The following PC variants were observed in gnomAD, a reference collection of about 807,000 sequenced individuals.
The protein encoded by PC is pyruvate carboxylase, mitochondrial.
A neutral mutation model predicts 107.8 loss-of-function variants in PC; 46 were observed. The observed-to-expected ratio is 0.43, with a 90% confidence interval of 0.34 to 0.55. The LOEUF (loss-of-function observed/expected upper bound fraction) is 0.55, where lower values mean the gene tolerates loss of function less well. Ranked by LOEUF, PC falls within the 20% of genes least tolerant of loss-of-function variation. The pLI is 0.04. For synonymous variants in PC, 662 were observed against 684.7 expected (o/e 0.97, Z 0.52); for missense variants, 1,241 against 1,643.1 (o/e 0.76, Z 4.23).
In PC at chr11:66,857,887, G is replaced by T. The variant is rs747133744; in HGVS notation, c.1369-4504C>A. On this transcript the variant is annotated intron_variant, in intron 12 of 22. Transcript: ENST00000393960. The surrounding 1 kb of genome is among the most constrained non-coding windows in gnomAD (Gnocchi z 7.1). ...CTGTTTGTGCCGCCCAACGTGGACC[G>T]GCGCACAGTGGAGCTGCGGCTGGCT... is the stretch of plus-strand genomic sequence containing the variant. The T allele has an allele frequency of 6.2e-7, 1 of 1,611,464 alleles. No individual in the cohort carries two copies. Among genetic ancestry groups the T allele is most frequent in the Non-Finnish European group, 8.5e-7 (1 of 1,179,920 alleles).
At chr11:66,946,110 AAAAAG>A (rs1439410169) in intron 3 of PC, among the ~76,000 whole-genome samples, 1 of 151,788 alleles carries the variant, frequency 6.6e-6, no homozygotes, top group Admixed American at 6.6e-5. Flanking sequence ...AAAAAAAAAA[AAAAAG>A]AAATCTGTGT....
chr11:66,951,719 G>C (rs899964683), intron 3 of PC, among the ~76,000 whole-genome samples: 8 of 151,834 alleles, frequency 5.3e-5, no homozygotes, highest in Non-Finnish European at 1.2e-4. Context: ...GTAAAACCCC[G>C]TCTCTACTAA....
chr11:66,871,758 A>T lies in PC; in HGVS notation c.250T>A (p.Tyr84Asn). ...QMHRQKADEA[Y>N]LIGRGLAPVQ... ...GGGGCCAGGCCGCGGCCGATGAGAT[A>T]GGCTTCATCTGCTTTCTGCCGGTGC... The change falls in exon 5 of 23, where the codon TAT (tyrosine) becomes AAT (asparagine). Residue 84 changes from tyrosine (Y) to asparagine (N), a missense_variant. Tyr to Asn is a moderately radical substitution (Grantham distance 143). Coordinates refer to ENST00000393960, the MANE Select transcript of PC (RefSeq NM_001040716.2). The surrounding 1 kb of genome is among the most constrained non-coding windows in gnomAD (Gnocchi z 7.4). 6.3e-7 allele frequency: 1 copy of T among 1,597,850 alleles called. No homozygotes were observed.
Position 66,871,138 on chromosome 11 carries a change from A to G in PC, c.547T>C (p.Phe183Leu). Reference sequence around the variant, plus strand: ...ATGGGGAAGCCGTAGGTGTTGGAGAACTCGTGGGCCTCATGCAGGGACGTG... The same window carrying G: ...ATGGGGAAGCCGTAGGTGTTGGAGAGCTCGTGGGCCTCATGCAGGGACGTG... ...PITSLHEAHE[F>L]SNTYGFPIIF... The change falls in exon 7 of 23, where the codon TTC becomes CTC. Residue 183 changes from phenylalanine (F) to leucine (L), a missense_variant. Around this residue, in one of 2 missense-constraint regions of PC, gnomAD observed 1,143 missense variants for 1,551.9 expected, o/e 0.74. Coordinates refer to ENST00000393960, the MANE Select transcript of PC (RefSeq NM_001040716.2). This position sits in a 1 kb window ranked among gnomAD's most constrained non-coding sequence, Gnocchi z 7.4. 6.2e-7 allele frequency: 1 copy of G among 1,613,772 alleles called. No individual in the cohort carries two copies. The highest frequency in any genetic ancestry group is 8.5e-7 in the Non-Finnish European group (1 of 1,179,864).
At chr11:66,941,098 A>G (rs1398243191) in intron 3 of PC, among the ~76,000 whole-genome samples, 2 of 151,022 alleles carry the variant, frequency 1.3e-5, no homozygotes, top group African/African-American at 4.9e-5. Context: ...AAAAAAAAAA[A>G]AAGGTGCTCA....
intron 3 of PC, among the ~76,000 whole-genome samples, chr11:66,893,112 C>T (rs961618706): frequency 2.6e-5 from 4 of 152,220 alleles, no homozygotes; most frequent in Non-Finnish European, 5.9e-5. Context: ...TGCTGTCCAG[C>T]TGCACCGTGT....
intron 3 of PC, among the ~76,000 whole-genome samples, chr11:66,891,552 C>T (rs1052694549): frequency 2.3e-4 from 35 of 151,838 alleles, no homozygotes; most frequent in Middle Eastern, 6.8e-3. Flanking sequence ...CACCACCATG[C>T]CCGACTAATT....
chr11:66,945,921 C>T, intron 3 of PC, among the ~76,000 whole-genome samples: 1 of 149,216 alleles, frequency 6.7e-6, no homozygotes, highest in Non-Finnish European at 1.5e-5. Flanking sequence ...CCCGTCTCTA[C>T]TAAAAATACA....
At chr11:66,856,595 C>G (rs1325816870) in intron 12 of PC, 1 of 152,612 alleles carries the variant, frequency 6.6e-6, no homozygotes, top group Non-Finnish European at 1.5e-5. Context: ...TCTGTGAACG[C>G]AAGGGTCCCA....
intron 3 of PC, among the ~76,000 whole-genome samples, chr11:66,943,495 T>G (rs546143218): frequency 6.6e-6 from 1 of 151,608 alleles, no homozygotes; most frequent in Non-Finnish European, 1.5e-5. Flanking sequence ...TCCCAACACT[T>G]TGGGAGGCCG....
At position 66,857,636 on chromosome 11, in the gene PC, G is replaced by C; in HGVS notation, c.1369-4253C>G. 4 of 1,281,496 alleles carry C rather than the reference G, an allele frequency of 3.1e-6. No individual in the cohort carries two copies. In the South Asian group the frequency reaches 6.1e-5, roughly 20 times the overall value. The allele number at this position is 1,281,496 out of a possible 1,614,324, so 79.4% of individuals were successfully genotyped here. ...TGGGCCTCTGACCCAGCCCCTCCCC[G>C]GGCCAGGCTCACAGAAGCTGGCTTC... On this transcript the variant is annotated intron_variant, in intron 12 of 22. Transcript: ENST00000393960. The surrounding 1 kb of genome is among the most constrained non-coding windows in gnomAD (Gnocchi z 7.1).
chr11:66,924,184 A>C (rs1035267749), intron 3 of PC, among the ~76,000 whole-genome samples: 2 of 149,570 alleles, frequency 1.3e-5, no homozygotes, highest in African/African-American at 2.5e-5. Flanking sequence ...CCTGGGCGAC[A>C]GAGCAAGACT....
At chr11:66,955,595 T>C (rs1203132053) in intron 1 of PC, among the ~76,000 whole-genome samples, 1 of 152,026 alleles carries the variant, frequency 6.6e-6, no homozygotes, top group African/African-American at 2.4e-5. Flanking sequence ...AAAAAGCAGA[T>C]ACTGAGCAAC....
chr11:66,870,880 T>A lies in PC; in HGVS notation c.646A>T (p.Asn216Tyr), dbSNP rs1946701336. 2 of 1,612,984 alleles carry A rather than the reference T, an allele frequency of 1.2e-6. No individual in the cohort carries two copies. Among genetic ancestry groups the A allele is most frequent in the Middle Eastern group, 1.6e-4 (1 of 6,062 alleles). The change falls in exon 8 of 23, where the codon AAT (asparagine) becomes TAT (tyrosine). Residue 216 changes from asparagine to tyrosine, a missense_variant. Transcript: ENST00000393960. The surrounding 1 kb of genome is among the most constrained non-coding windows in gnomAD (Gnocchi z 6.1). Reference protein sequence around the residue: ...VVHSYEELEENYTRAYSEALA... With the variant: ...VVHSYEELEEYYTRAYSEALA... Reference sequence around the variant, plus strand: ...GCCTCTGAGTAGGCCCGGGTGTAATTCTCCTCCAGCTCCTGCGAGGGCGGG... The same window carrying A: ...GCCTCTGAGTAGGCCCGGGTGTAATACTCCTCCAGCTCCTGCGAGGGCGGG...
chr11:66,849,000 CCATCTT>C lies in PC; in HGVS notation c.3430_3435del (p.Lys1144_Met1145del). 6.2e-7 allele frequency: 1 copy of C among 1,614,096 alleles called. No homozygotes were observed. Among genetic ancestry groups the C allele is most frequent in the Non-Finnish European group, 8.5e-7 (1 of 1,180,040 alleles). On this transcript the variant is annotated inframe_deletion, in exon 23 of 23. Coordinates refer to ENST00000393960, the MANE Select transcript of PC (RefSeq NM_001040716.2). ...TCCATGGGTGAGGTCACCACAGTCT[CCATCTT>C]CATGGCACTGAGCACACACAGGGGC...
At chr11:66,898,880 C>A (rs1947854432) in intron 3 of PC, among the ~76,000 whole-genome samples, 1 of 151,962 alleles carries the variant, frequency 6.6e-6, no homozygotes, top group Non-Finnish European at 1.5e-5. Flanking sequence ...CTTTTCTTTT[C>A]TTTTTTAAGA....
chr11:66,929,182 G>A (rs1948788219), intron 3 of PC, among the ~76,000 whole-genome samples: 1 of 152,126 alleles, frequency 6.6e-6, no homozygotes, highest in Non-Finnish European at 1.5e-5. Flanking sequence ...ATGTGAGTTT[G>A]AAATATGAGT....
chr11:66,918,527 C>G (rs543488894), intron 3 of PC, among the ~76,000 whole-genome samples: 3 of 151,958 alleles, frequency 2.0e-5, no homozygotes, highest in East Asian at 1.9e-4. Flanking sequence ...CACGCGCCAC[C>G]AAGTCCAGCT....
At chr11:66,948,881 A>G (rs1949371110) in intron 3 of PC, among the ~76,000 whole-genome samples, 1 of 152,168 alleles carries the variant, frequency 6.6e-6, no homozygotes, top group African/African-American at 2.4e-5. Flanking sequence ...ACGGTATAGG[A>G]AAGTTTAAGA....
Sources: allele counts gnomAD v4.1 joint callset (sites outside exome capture counted in the v4.1 genomes callset), GRCh38; gene constraint gnomAD v4.1.1; regional missense constraint gnomAD v4.1.1; non-coding constraint Gnocchi (gnomAD v3.1); transcripts MANE v1.5; gene names NCBI Gene and HGNC (gene_info 2026-07-23, HGNC 2026-07-21).